KCNIP1: variants seen among roughly 807,000 people sequenced by gnomAD.
KCNIP1 encodes the protein potassium voltage-gated channel interacting protein 1.
Under a neutral mutation model 33.0 loss-of-function variants are expected in KCNIP1, and 18 were observed. That is an observed-to-expected ratio of 0.55 (90% CI 0.38 to 0.81). The LOEUF (loss-of-function observed/expected upper bound fraction) is 0.81. Ranked by LOEUF, KCNIP1 falls within the 30% of genes least tolerant of loss-of-function variation. The pLI is 0.00. For synonymous variants in KCNIP1, 93 were observed against 98.3 expected, an observed-to-expected ratio of 0.95 and a Z score of 0.32; for missense variants, 238 against 271.6, an observed-to-expected ratio of 0.88 and a Z score of 0.87.
intron 1 of KCNIP1, among the ~76,000 whole-genome samples, chr5:170,553,885 A>C (rs1319814078): frequency 6.6e-6 from 1 of 152,204 alleles, no homozygotes; most frequent in African/African-American, 2.4e-5. Flanking sequence ...TTCATCCTTC[A>C]CATGAGAAAG....
chr5:170,363,921 A>T (rs1339190389), intron 1 of KCNIP1, among the ~76,000 whole-genome samples: 1 of 151,804 alleles, frequency 6.6e-6, no homozygotes, highest in Non-Finnish European at 1.5e-5. Context: ...TGTCTCTATT[A>T]ACTTGACTGT....
intron 1 of KCNIP1, among the ~76,000 whole-genome samples, chr5:170,541,227 C>T (rs1756196775): frequency 6.6e-6 from 1 of 152,152 alleles, no homozygotes; most frequent in African/African-American, 2.4e-5. Flanking sequence ...GCCTCTGATT[C>T]TTCATTGCAA....
intron 1 of KCNIP1, among the ~76,000 whole-genome samples, chr5:170,576,107 A>G (rs1757594583): frequency 6.6e-6 from 1 of 152,206 alleles, no homozygotes; most frequent in African/African-American, 2.4e-5. Context: ...TGGGTACTTG[A>G]ACTGGGACAT....
chr5:170,482,848 G>A (rs1757004933), intron 1 of KCNIP1, among the ~76,000 whole-genome samples: 2 of 152,172 alleles, frequency 1.3e-5, no homozygotes, highest in Non-Finnish European at 2.9e-5. Flanking sequence ...CGCTGGTGAT[G>A]TTTAGAGGTA....
chr5:170,586,966 G>A (rs183169134), intron 1 of KCNIP1, among the ~76,000 whole-genome samples: 3 of 152,304 alleles, frequency 2.0e-5, no homozygotes, highest in East Asian at 3.9e-4. Flanking sequence ...GCCCAGTGGG[G>A]AAGACAGATA....
intron 1 of KCNIP1, among the ~76,000 whole-genome samples, chr5:170,474,980 T>C (rs1756821696): frequency 6.6e-6 from 1 of 152,206 alleles, no homozygotes; most frequent in Non-Finnish European, 1.5e-5. Context: ...GTCCTGCTGA[T>C]TGGTCCATTT....
intron 1 of KCNIP1, among the ~76,000 whole-genome samples, chr5:170,396,218 G>T (rs1754759275): frequency 6.6e-6 from 1 of 152,218 alleles, no homozygotes; most frequent in Non-Finnish European, 1.5e-5. Context: ...CGCAATGTTG[G>T]TTGAGGGCTG....
At chr5:170,690,671 A>ATT (rs1425058986) in intron 1 of KCNIP1, among the ~76,000 whole-genome samples, 18 of 152,380 alleles carry the variant, frequency 1.2e-4, no homozygotes, top group African/African-American at 4.3e-4. Context: ...TTCAGTAGAC[A>ATT]TAGACTAAGC....
At chr5:170,365,037 A>G (rs1763619834) in intron 1 of KCNIP1, among the ~76,000 whole-genome samples, 1 of 152,104 alleles carries the variant, frequency 6.6e-6, no homozygotes, top group Admixed American at 6.5e-5. Flanking sequence ...CATCTCCGTT[A>G]TTCATTTGTT....
chr5:170,434,550 G>A (rs1266905245), intron 1 of KCNIP1, among the ~76,000 whole-genome samples: 1 of 152,172 alleles, frequency 6.6e-6, no homozygotes, highest in East Asian at 1.9e-4. Flanking sequence ...AGCTCAGGCA[G>A]GAAGCTGCTG....
In KCNIP1 at chr5:170,697,887, C is replaced by T. The variant is rs115799690; in HGVS notation, c.62-20871C>T. Among the ~76,000 whole-genome samples the T allele has an allele frequency of 4.5e-3, 687 of 152,190 alleles. 5 individuals are homozygous for T. Among genetic ancestry groups the T allele is most frequent in the African/African-American group, 0.016 (646 of 41,510 alleles). On this transcript the variant is annotated intron_variant, in intron 1 of 7. Transcript: ENST00000328939. ...ATCAACATCTCCCCATTAGCTGTTG[C>T]AATATTAAATTGTGTGACTGGAAAT...
rs10044652 is a variant in KCNIP1, at chr5:170,718,441, A to G, written c.62-317A>G. Among the ~76,000 whole-genome samples, 539 of 152,316 alleles carry G rather than the reference A, an allele frequency of 3.5e-3. 5 individuals are homozygous for G. The highest frequency in any genetic ancestry group is 0.013 in the African/African-American group (521 of 41,556). On this transcript the variant is annotated intron_variant, in intron 1 of 7. Coordinates refer to ENST00000328939, the MANE Select transcript of KCNIP1 (RefSeq NM_014592.4). Reference sequence around the variant, plus strand: ...TATTCAGAAGGTTCCATGGGAAACAATTTGAATATGCAAAGAAGTTATTTT... The same window carrying G: ...TATTCAGAAGGTTCCATGGGAAACAGTTTGAATATGCAAAGAAGTTATTTT...
At chr5:170,667,014 T>TA (rs1761730300) in intron 1 of KCNIP1, among the ~76,000 whole-genome samples, 1 of 152,208 alleles carries the variant, frequency 6.6e-6, no homozygotes, top group Non-Finnish European at 1.5e-5. Context: ...ACAGGTATTT[T>TA]AAAAAGTAAA....
chr5:170,515,883 C>A (rs549568672), intron 1 of KCNIP1, among the ~76,000 whole-genome samples: 1 of 152,112 alleles, frequency 6.6e-6, no homozygotes, highest in African/African-American at 2.4e-5. Context: ...CCGAAAGAGG[C>A]GGCATTAGAG....
chr5:170,597,820 T>TATATATATATGAAA (rs1554103529), intron 1 of KCNIP1, among the ~76,000 whole-genome samples: 1,490 of 54,750 alleles, frequency 0.027, 17 homozygotes, highest in Non-Finnish European at 0.035. Context: ...TATATATATA[T>TATATATATATGAAA]ATATATATAT....
At chr5:170,696,780 G>A (rs552182036) in intron 1 of KCNIP1, among the ~76,000 whole-genome samples, 2 of 152,046 alleles carry the variant, frequency 1.3e-5, no homozygotes. Context: ...TGTGTAGGAG[G>A]GTGACTTTGT....
intron 1 of KCNIP1, among the ~76,000 whole-genome samples, chr5:170,658,903 G>A (rs1303635978): frequency 6.6e-6 from 1 of 152,142 alleles, no homozygotes; most frequent in African/African-American, 2.4e-5. Context: ...TTGGGGGTTT[G>A]GGAGCCTAGA....
At chr5:170,563,000 G>A (rs1561688562) in intron 1 of KCNIP1, among the ~76,000 whole-genome samples, 1 of 152,186 alleles carries the variant, frequency 6.6e-6, no homozygotes, top group East Asian at 1.9e-4. Context: ...TTGGTAGCAA[G>A]AGGCATTTCT....
intron 1 of KCNIP1, among the ~76,000 whole-genome samples, chr5:170,373,851 C>T (rs942714381): frequency 1.3e-5 from 2 of 152,316 alleles, no homozygotes; most frequent in Non-Finnish European, 2.9e-5. Flanking sequence ...ACTTTGCAAG[C>T]CTCCACTTTG....
Sources: gnomAD v4.1 joint callset for allele counts (sites outside exome capture counted in the v4.1 genomes callset) on GRCh38, gnomAD v4.1.1 for gene constraint, MANE v1.5 for transcripts, NCBI Gene and HGNC (gene_info 2026-07-23, HGNC 2026-07-21) for gene names.